API5: variants seen among roughly 807,000 people sequenced by gnomAD.
API5 encodes apoptosis inhibitor 5.
Under a neutral mutation model 71.9 loss-of-function variants are expected in API5, and 6 were observed. That is an observed-to-expected ratio of 0.08 (90% CI 0.05 to 0.16). The LOEUF is 0.16. Among genes scored for constraint, API5 ranks in the 10% least tolerant of loss-of-function variants. The pLI is 1.00. For missense variants in API5, 332 were observed against 612.8 expected, an observed-to-expected ratio of 0.54 and a Z score of 4.84; for synonymous variants, 189 against 221.3, an observed-to-expected ratio of 0.85 and a Z score of 1.30.
intron 2 of API5, 26 bp downstream of exon 2, chr11:43,318,827 G>T (rs765293148): frequency 2.5e-6 from 4 of 1,596,140 alleles, no homozygotes; most frequent in Non-Finnish European, 3.4e-6. Context: ...ACACTTCATA[G>T]CAATCTTTCA....
intron 2 of API5, among the ~76,000 whole-genome samples, chr11:43,319,795 G>GT (rs1179521716): frequency 1.3e-5 from 2 of 152,148 alleles, no homozygotes; most frequent in Non-Finnish European, 2.9e-5. Context: ...CACAAATGTT[G>GT]TATTTAGTAG....
intron 1 of API5, among the ~76,000 whole-genome samples, chr11:43,316,709 C>G (rs550131389): frequency 1.3e-5 from 2 of 152,236 alleles, no homozygotes; most frequent in South Asian, 4.1e-4. Flanking sequence ...GCCTCTAACT[C>G]CTGGGCGCGA....
chr11:43,337,027 A>C (rs1014208124), intron 13 of API5, among the ~76,000 whole-genome samples: 21 of 147,320 alleles, frequency 1.4e-4, no homozygotes, highest in African/African-American at 4.9e-4. Context: ...AAAAAAAAAA[A>C]AAAAGACAAA....
intron 11 of API5, among the ~76,000 whole-genome samples, chr11:43,331,676 A>AT (rs879723998): frequency 6.6e-6 from 1 of 152,190 alleles, no homozygotes; most frequent in Non-Finnish European, 1.5e-5. Flanking sequence ...GAATCTGCGT[A>AT]TAAGTGAGAC....
At chr11:43,341,974 C>A (rs1347047600) in intron 13 of API5, among the ~76,000 whole-genome samples, 1 of 151,826 alleles carries the variant, frequency 6.6e-6, no homozygotes, top group Non-Finnish European at 1.5e-5. Flanking sequence ...AAAATGAGGA[C>A]CTGTCTCTAC....
intron 6 of API5, among the ~76,000 whole-genome samples, 163 bp from the exon 7 acceptor site, chr11:43,326,344 C>CAAT (rs1161326061): frequency 6.6e-6 from 1 of 151,868 alleles, no homozygotes; most frequent in Non-Finnish European, 1.5e-5. Context: ...CGTAGATCAC[C>CAAT]TATTGAGGTT....
intron 6 of API5, 45 bp downstream of exon 6, chr11:43,323,681 T>G: frequency 6.5e-7 from 1 of 1,550,008 alleles, no homozygotes; most frequent in South Asian, 1.1e-5. Flanking sequence ...TATATATATA[T>G]TTCCATAAAT....
rs189799138 is a variant in API5, at chr11:43,320,280, G to A, written c.232-541G>A. Among the ~76,000 whole-genome samples the A allele has an allele frequency of 1.4e-3, 217 of 152,058 alleles. 4 individuals are homozygous for A. Among genetic ancestry groups the A allele is most frequent in the East Asian group, 8.1e-3 (42 of 5,154 alleles). The stretch of plus-strand genomic sequence containing the variant: ...AGGCTGGTCTCAAACTCCTGACCTC[G>A]TGATCCACCTGCTTCAGCCTCCCAA... On this transcript the variant is annotated intron_variant, in intron 2 of 13. Coordinates refer to ENST00000531273, the MANE Select transcript of API5 (RefSeq NM_001142930.2).
chr11:43,333,136 T>C (rs1441068842), intron 11 of API5, among the ~76,000 whole-genome samples: 1 of 152,082 alleles, frequency 6.6e-6, no homozygotes, highest in Non-Finnish European at 1.5e-5. Flanking sequence ...CAAAATGCAG[T>C]CAATACAGGC....
At chr11:43,335,536 A>G (rs556273018) in intron 12 of API5, among the ~76,000 whole-genome samples, 182 bp downstream of exon 12, 62 of 152,314 alleles carry the variant, frequency 4.1e-4, no homozygotes, top group African/African-American at 1.5e-3. Context: ...GGTGGGAGGC[A>G]ACGCTGGAAC....
At chr11:43,319,000 G>T in intron 2 of API5, 199 bp downstream of exon 2, 1 of 480,088 alleles carries the variant, frequency 2.1e-6, no homozygotes, top group South Asian at 5.1e-5. Context: ...TATGAAAAAT[G>T]CATAGAATCT....
At chr11:43,337,899 G>T (rs1249460611) in intron 13 of API5, among the ~76,000 whole-genome samples, 2 of 152,124 alleles carry the variant, frequency 1.3e-5, no homozygotes, top group Non-Finnish European at 2.9e-5. Context: ...TGAGAATCAG[G>T]TGATATAATG....
At chr11:43,332,285 A>G (rs1433142261) in intron 11 of API5, among the ~76,000 whole-genome samples, 1 of 152,132 alleles carries the variant, frequency 6.6e-6, no homozygotes, top group African/African-American at 2.4e-5. Flanking sequence ...GTGTCCTCCA[A>G]TTCAGTCCTG....
chr11:43,343,961 T>C lies in API5; in HGVS notation c.*1451T>C, dbSNP rs1359514532. 6.5e-6 allele frequency: 1 copy of C among 152,678 alleles called. No homozygotes were observed. The highest frequency in any genetic ancestry group is 1.5e-5 in the Non-Finnish European group (1 of 68,052). The allele number at this position is 152,678 out of a possible 1,614,324, so 9.5% of individuals were successfully genotyped here. A position where few individuals can be genotyped will look rare whatever the true frequency, so the allele number is the denominator to read the frequency against. On this transcript the variant is annotated 3_prime_UTR_variant, in exon 14 of 14. Transcript: ENST00000531273. ...AGCAAAACTCCTTTATTAGAATTAC[T>C]GCACATGTGTATGGGGAAAATAGTT... is the stretch of plus-strand genomic sequence containing the variant.
rs1384128947 is a variant in API5 at position 43,344,398 on chromosome 11, A to G, written c.*1888A>G. The G allele has an allele frequency of 2.0e-5, 3 of 152,422 alleles. No homozygotes were observed. The East Asian group carries it at 5.8e-4, about 29-fold the overall frequency. The allele number at this position is 152,422 out of a possible 1,614,324, so 9.4% of individuals were successfully genotyped here. On this transcript the variant is annotated 3_prime_UTR_variant, in exon 14 of 14. Transcript: ENST00000531273. ...AAGGCAATAGTGCACAACTTAGGTTATTTTTGCTTCCGAATTTGAATGAAA... is the reference window on the plus strand; with the variant it reads ...AAGGCAATAGTGCACAACTTAGGTTGTTTTTGCTTCCGAATTTGAATGAAA...
rs1485252548 is a variant in API5 at position 43,344,144 on chromosome 11, GCTAAT to G, written c.*1637_*1641del. 1 of 152,626 alleles carries G rather than the reference GCTAAT, an allele frequency of 6.6e-6. No individual in the cohort carries two copies. Among genetic ancestry groups the G allele is most frequent in the Non-Finnish European group, 1.5e-5 (1 of 68,030 alleles). 9.5% of individuals were successfully genotyped at this position (152,626 alleles called of 1,614,324 possible). A position where few individuals can be genotyped will look rare whatever the true frequency, so the allele number is the denominator to read the frequency against. On this transcript the variant is annotated 3_prime_UTR_variant, in exon 14 of 14. Transcript: ENST00000531273. ...AAAATTGCCATTTGAAAACTGACCAGCTAATCTGGACCTCAGAGATAGATCAGCCA... is the reference window on the plus strand; with the variant it reads ...AAAATTGCCATTTGAAAACTGACCAGCTGGACCTCAGAGATAGATCAGCCA...
At chr11:43,312,307 G>T (rs5743213) in intron 1 of API5, 111 bp downstream of exon 1, 2 of 1,204,818 alleles carry the variant, frequency 1.7e-6, no homozygotes, top group Non-Finnish European at 2.4e-6. Context: ...ATCCTCCCGG[G>T]GCCTCCTAGC....
intron 6 of API5, among the ~76,000 whole-genome samples, chr11:43,324,066 G>T (rs1854986939): frequency 6.6e-6 from 1 of 152,058 alleles, no homozygotes; most frequent in African/African-American, 2.4e-5. Context: ...CACTCATGCT[G>T]GAGTGCAGTG....
intron 2 of API5, 118 bp from the exon 3 acceptor site, chr11:43,320,703 C>T (rs1854849824): frequency 1.2e-6 from 1 of 857,956 alleles, no homozygotes; most frequent in Non-Finnish European, 1.8e-6. Context: ...TGCACTCCAA[C>T]CTGGGCAACA....
Sources: allele counts gnomAD v4.1 joint callset (sites outside exome capture counted in the v4.1 genomes callset), GRCh38; gene constraint gnomAD v4.1.1; transcripts MANE v1.5; gene names NCBI Gene and HGNC (gene_info 2026-07-23, HGNC 2026-07-21).